The following MAP7 variants were observed in gnomAD, a reference collection of about 807,000 sequenced individuals.
MAP7 encodes microtubule associated protein 7.
A neutral mutation model predicts 94.8 loss-of-function variants in MAP7; 52 were observed. That is an observed-to-expected ratio of 0.55 (90% CI 0.44 to 0.69). MAP7 has a LOEUF of 0.69. MAP7 is among the 30% of genes least tolerant of loss of function. The pLI is 0.00. For missense variants in MAP7, 940 were observed against 964.6 expected (o/e 0.97, Z 0.34); for synonymous variants, 350 against 357.0 (o/e 0.98, Z 0.22).
At chr6:136,352,000 C>T (rs1789359146) in intron 16 of MAP7, among the ~76,000 whole-genome samples, 3 of 152,040 alleles carry the variant, frequency 2.0e-5, no homozygotes, top group African/African-American at 7.2e-5. Flanking sequence ...GAACAGCTTT[C>T]CTAGGCACTC....
At chr6:136,463,798 TGA>T (rs1254840567) in intron 1 of MAP7, among the ~76,000 whole-genome samples, 4 of 152,194 alleles carry the variant, frequency 2.6e-5, no homozygotes, top group African/African-American at 9.7e-5. Context: ...GTGTTGGAGC[TGA>T]GTTTTGAAAT....
chr6:136,362,733 T>G, intron 10 of MAP7, 31 bp from the exon 11 acceptor site: 2 of 1,522,590 alleles, frequency 1.3e-6, no homozygotes, highest in Non-Finnish European at 8.8e-7. Context: ...AGAAAACCAG[T>G]TGGAAACAAA....
chr6:136,487,668 G>C (rs1418547924), intron 1 of MAP7, among the ~76,000 whole-genome samples: 1 of 151,722 alleles, frequency 6.6e-6, no homozygotes, highest in Admixed American at 6.6e-5. Context: ...ATGAGCGTGC[G>C]ACTGAGCTCC....
At chr6:136,442,069 C>T (rs1195021193) in intron 1 of MAP7, among the ~76,000 whole-genome samples, 2 of 151,750 alleles carry the variant, frequency 1.3e-5, no homozygotes, top group East Asian at 1.9e-4. Flanking sequence ...TTCCCAATTT[C>T]CTGCCATGAG....
intron 1 of MAP7, among the ~76,000 whole-genome samples, chr6:136,448,692 C>T (rs1800111353): frequency 6.6e-6 from 1 of 151,852 alleles, no homozygotes. Flanking sequence ...GGATTACAGG[C>T]GTGGCCACCG....
intron 17 of MAP7, among the ~76,000 whole-genome samples, 197 bp downstream of exon 17, chr6:136,345,659 G>C (rs1163481881): frequency 6.6e-6 from 1 of 152,186 alleles, no homozygotes; most frequent in Non-Finnish European, 1.5e-5. Flanking sequence ...GAGAGAATAG[G>C]AGAGGCCTTA....
In MAP7 at chr6:136,346,172, T is replaced by C. The variant is rs1787651009; in HGVS notation, c.2016-93A>G. ...AACCAAAATGTTTTATAATGAATAATTTTATAAATCTACAATTAAAAAAAT... is the reference window on the plus strand; with the variant it reads ...AACCAAAATGTTTTATAATGAATAACTTTATAAATCTACAATTAAAAAAAT... On this transcript the variant is annotated intron_variant, in intron 16 of 17. Transcript: ENST00000354570. 1.3e-5 allele frequency: 9 copies of C among 702,258 alleles called. No individual in the cohort carries two copies. In the South Asian group the frequency reaches 1.8e-4, roughly 14 times the overall value. The allele number at this position is 702,258 out of a possible 1,614,324, so 43.5% of individuals were successfully genotyped here.
At chr6:136,549,388 G>A (rs991255407) in intron 1 of MAP7, among the ~76,000 whole-genome samples, 1 of 152,032 alleles carries the variant, frequency 6.6e-6, no homozygotes, top group African/African-American at 2.4e-5. Flanking sequence ...GAATAGAAGA[G>A]GGAACCAGTG....
At chr6:136,374,155 T>G (rs1775399238) in intron 7 of MAP7, among the ~76,000 whole-genome samples, 1 of 152,222 alleles carries the variant, frequency 6.6e-6, no homozygotes. Context: ...TCAGTTTTCC[T>G]TAAAATAATA....
At chr6:136,410,137 A>C (rs913480331) in intron 3 of MAP7, among the ~76,000 whole-genome samples, 21 of 152,174 alleles carry the variant, frequency 1.4e-4, no homozygotes, top group African/African-American at 4.8e-4. Flanking sequence ...AAGTATGGAA[A>C]AGCTAATTCA....
intron 2 of MAP7, among the ~76,000 whole-genome samples, chr6:136,415,151 G>A (rs1412559796): frequency 6.6e-6 from 1 of 151,768 alleles, no homozygotes; most frequent in Non-Finnish European, 1.5e-5. Flanking sequence ...CTCTCACTAT[G>A]TTGCTAAGCC....
intron 1 of MAP7, among the ~76,000 whole-genome samples, chr6:136,445,359 C>T (rs1799015005): frequency 6.6e-6 from 1 of 152,196 alleles, no homozygotes; most frequent in Non-Finnish European, 1.5e-5. Flanking sequence ...CACCATAGAT[C>T]TCCTAGTGAC....
rs149350153 is a variant in MAP7, at chr6:136,344,174, A to G, written c.*54T>C. On this transcript the variant is annotated 3_prime_UTR_variant, in exon 18 of 18. Transcript: ENST00000354570. ...TCCTTTATAGCAGGAAAGGAATTCCATTAATTGTAGAAATTCTCATTAAAT... is the reference window on the plus strand; with the variant it reads ...TCCTTTATAGCAGGAAAGGAATTCCGTTAATTGTAGAAATTCTCATTAAAT... 19 of 1,000,560 alleles carry G rather than the reference A, an allele frequency of 1.9e-5. No homozygotes were observed. The highest frequency in any genetic ancestry group is 6.2e-5 in the Admixed American group (2 of 32,268). The allele number at this position is 1,000,560 out of a possible 1,614,324, so 62.0% of individuals were successfully genotyped here.
intron 3 of MAP7, among the ~76,000 whole-genome samples, chr6:136,404,066 T>C (rs935434041): frequency 1.3e-5 from 2 of 152,238 alleles, no homozygotes; most frequent in Non-Finnish European, 2.9e-5. Flanking sequence ...TTTTTTTTCC[T>C]GGACAGTCTC....
At chr6:136,430,501 A>C (rs964104806) in intron 1 of MAP7, among the ~76,000 whole-genome samples, 1 of 152,230 alleles carries the variant, frequency 6.6e-6, no homozygotes, top group Non-Finnish European at 1.5e-5. Flanking sequence ...ACTGAGTTTA[A>C]TCAGTGAAAT....
rs569268004 is a variant in MAP7 at position 136,345,572 on chromosome 6, G to A, written c.2239+284C>T. On this transcript the variant is annotated intron_variant, in intron 17 of 17. Transcript: ENST00000354570. Reference sequence around the variant, plus strand: ...GCATATTCTGAGCATGCATGATGTCGGGTAATGGGTGCTGCTCTGTGCAGA... The same window carrying A: ...GCATATTCTGAGCATGCATGATGTCAGGTAATGGGTGCTGCTCTGTGCAGA... 1.2e-4 allele frequency among the ~76,000 whole-genome samples: 18 copies of A among 152,298 alleles called. No individual in the cohort carries two copies. In the South Asian group the frequency reaches 1.7e-3, roughly 14 times the overall value.
At chr6:136,381,930 A>G (rs1252551971) in intron 6 of MAP7, among the ~76,000 whole-genome samples, 1 of 151,600 alleles carries the variant, frequency 6.6e-6, no homozygotes, top group African/African-American at 2.4e-5. Context: ...AGAGAGAGAG[A>G]GAGAGAATGC....
At chr6:136,507,846 CA>C (rs1026596303) in intron 1 of MAP7, among the ~76,000 whole-genome samples, 6 of 152,130 alleles carry the variant, frequency 3.9e-5, no homozygotes. Context: ...TAGGAGGAGG[CA>C]AAAATGGGCT....
intron 1 of MAP7, among the ~76,000 whole-genome samples, chr6:136,454,553 C>T (rs1451853745): frequency 1.3e-5 from 2 of 151,862 alleles, no homozygotes; most frequent in African/African-American, 4.8e-5. Flanking sequence ...ACGCCTTAGC[C>T]TCCCAAAGTG....
Sources: gnomAD v4.1 joint callset for allele counts (sites outside exome capture counted in the v4.1 genomes callset) on GRCh38, gnomAD v4.1.1 for gene constraint, MANE v1.5 for transcripts, NCBI Gene and HGNC (gene_info 2026-07-23, HGNC 2026-07-21) for gene names.